KCNU1: variants seen among roughly 807,000 people sequenced by gnomAD.
KCNU1 encodes potassium calcium-activated channel subfamily U member 1.
KCNU1 carries 93 observed loss-of-function variants against 126.8 expected under a neutral mutation model. The ratio of observed to expected loss-of-function variants is 0.73; its 90% confidence interval spans 0.62 to 0.87. The LOEUF is 0.87. Ranked by LOEUF, KCNU1 falls within the 40% of genes least tolerant of loss-of-function variation. The pLI, the probability that KCNU1 is intolerant of heterozygous loss-of-function variation, is 0.00. For missense variants in KCNU1, 1,330 were observed against 1,367.1 expected (o/e 0.97, Z 0.43); for synonymous variants, 523 against 494.2 (o/e 1.06, Z -0.77).
chr8:36,785,662 A>T (rs1802687142), intron 1 of KCNU1, among the ~76,000 whole-genome samples: 1 of 152,134 alleles, frequency 6.6e-6, no homozygotes, highest in Non-Finnish European at 1.5e-5. Flanking sequence ...GAATTCTGGG[A>T]TACTGACATA....
At chr8:36,883,362 G>A (rs1806564581) in intron 19 of KCNU1, among the ~76,000 whole-genome samples, 1 of 152,174 alleles carries the variant, frequency 6.6e-6, no homozygotes. Context: ...TGTGAAATTA[G>A]AGAGAAAATG....
intron 13 of KCNU1, 116 bp from the exon 14 acceptor site, chr8:36,836,677 A>C (rs954282121): frequency 3.6e-5 from 34 of 936,332 alleles, no homozygotes; most frequent in African/African-American, 1.0e-4. Flanking sequence ...TTTGTGTGCA[A>C]AAATGAAGAA....
At chr8:36,791,198 T>C (rs954143457) in intron 2 of KCNU1, among the ~76,000 whole-genome samples, 5 of 152,136 alleles carry the variant, frequency 3.3e-5, no homozygotes, top group Non-Finnish European at 4.4e-5. Context: ...AGTGCATCTA[T>C]GGGTTAGGTG....
chr8:36,831,327 T>A (rs1328846845), intron 10 of KCNU1, among the ~76,000 whole-genome samples: 2 of 152,038 alleles, frequency 1.3e-5, no homozygotes, highest in African/African-American at 2.4e-5. Flanking sequence ...CCCTGAGGAA[T>A]CGCCACACTG....
chr8:36,848,414 G>T (rs1252204539), intron 18 of KCNU1, among the ~76,000 whole-genome samples: 1 of 152,082 alleles, frequency 6.6e-6, no homozygotes, highest in Non-Finnish European at 1.5e-5. Flanking sequence ...TTGTAGTTTT[G>T]GGTGTTCCAT....
intron 2 of KCNU1, among the ~76,000 whole-genome samples, chr8:36,802,797 T>C (rs1173968358): frequency 1.3e-5 from 2 of 152,194 alleles, no homozygotes; most frequent in Non-Finnish European, 2.9e-5. Context: ...TATCAGATGA[T>C]TTGCATATTA....
intron 24 of KCNU1, among the ~76,000 whole-genome samples, chr8:36,928,453 A>G (rs1320307385): frequency 6.6e-6 from 1 of 152,128 alleles, no homozygotes. Flanking sequence ...ACTTTATTCC[A>G]TAAGCACCCT....
chr8:36,876,272 T>C (rs1806275251), intron 19 of KCNU1, among the ~76,000 whole-genome samples: 1 of 152,216 alleles, frequency 6.6e-6, no homozygotes, highest in East Asian at 1.9e-4. Context: ...ATAGATTCTA[T>C]CTGTGTTTCT....
At chr8:36,908,426 G>A (rs1157333993) in intron 20 of KCNU1, among the ~76,000 whole-genome samples, 1 of 151,830 alleles carries the variant, frequency 6.6e-6, no homozygotes, top group Non-Finnish European at 1.5e-5. Context: ...CAATGTGCAG[G>A]TTTGTTACAT....
At chr8:36,879,649 C>A (rs1484078046) in intron 19 of KCNU1, among the ~76,000 whole-genome samples, 1 of 152,042 alleles carries the variant, frequency 6.6e-6, no homozygotes, top group African/African-American at 2.4e-5. Context: ...ATTTAAAATG[C>A]CGAATGCTTC....
intron 18 of KCNU1, among the ~76,000 whole-genome samples, chr8:36,851,362 T>C (rs887719628): frequency 1.3e-5 from 2 of 149,274 alleles, no homozygotes; most frequent in African/African-American, 4.9e-5. Context: ...GTTTAAAGTG[T>C]GGCACTTCCC....
rs1413323213 is a variant in KCNU1, at chr8:36,840,977, C to T, written c.1677C>T (p.Tyr559=). The T allele has an allele frequency of 1.2e-6, 2 of 1,610,042 alleles. No individual in the cohort carries two copies. The highest frequency in any genetic ancestry group is 1.7e-6 in the Non-Finnish European group (2 of 1,177,378). Residue 559 remains tyrosine, a synonymous_variant, in exon 16 of 27, where the codon TAC becomes TAT. Coordinates refer to ENST00000399881, the MANE Select transcript of KCNU1 (RefSeq NM_001031836.3). ...ACCTCCTGTTGATAGCCATCGAATA[C>T]AAGTCCCTCTTTACGGATGGTTTCT... ...KMHLLLIAIE[Y]KSLFTDGFCG...
intron 19 of KCNU1, among the ~76,000 whole-genome samples, chr8:36,885,470 G>T (rs1041227325): frequency 6.6e-6 from 1 of 152,032 alleles, no homozygotes; most frequent in Admixed American, 6.6e-5. Context: ...CAGGAGAATC[G>T]CTTAAAGCCA....
chr8:36,793,182 C>T (rs1052007464), intron 2 of KCNU1, among the ~76,000 whole-genome samples: 7 of 130,416 alleles, frequency 5.4e-5, no homozygotes, highest in Admixed American at 9.5e-5. Context: ...GGAAGGGGGA[C>T]ATCACACACA....
chr8:36,801,979 A>G (rs1351440470), intron 2 of KCNU1, among the ~76,000 whole-genome samples: 1 of 151,784 alleles, frequency 6.6e-6, no homozygotes, highest in African/African-American at 2.4e-5. Context: ...TATAGTGGCG[A>G]GTGCCTGTAA....
intron 16 of KCNU1, among the ~76,000 whole-genome samples, chr8:36,843,665 T>C (rs760452980): frequency 2.1e-4 from 32 of 152,222 alleles, no homozygotes; most frequent in Non-Finnish European, 4.4e-4. Context: ...GAAGGAAGAC[T>C]GCATGTTTAA....
intron 10 of KCNU1, among the ~76,000 whole-genome samples, chr8:36,826,746 AG>A (rs1355059467): frequency 1.3e-5 from 2 of 152,026 alleles, no homozygotes; most frequent in Non-Finnish European, 2.9e-5. Flanking sequence ...TTTTCATTTC[AG>A]GGGTACCTGT....
At chr8:36,833,503 A>G (rs1203656121) in intron 10 of KCNU1, 51 bp from the exon 11 acceptor site, 1 of 1,057,086 alleles carries the variant, frequency 9.5e-7, no homozygotes, top group African/African-American at 1.6e-5. Context: ...CTCTAAACCC[A>G]GAGTCAATCA....
At position 36,793,408 on chromosome 8, in the gene KCNU1, T is replaced by A. The variant is rs1198606796; in HGVS notation, c.315+5983T>A. ...TAAATAAAAAGAAAAATCCATCTCA[T>A]GGATGAATTTTTTATAAAATTTTAC... On this transcript the variant is annotated intron_variant, in intron 2 of 26. Coordinates refer to ENST00000399881, the MANE Select transcript of KCNU1 (RefSeq NM_001031836.3). Among the ~76,000 whole-genome samples, 5 of 151,870 alleles carry A rather than the reference T, an allele frequency of 3.3e-5. No homozygotes were observed. The South Asian group carries it at 1.0e-3, about 31-fold the overall frequency.
Sources: gnomAD v4.1 joint callset for allele counts (sites outside exome capture counted in the v4.1 genomes callset) on GRCh38, gnomAD v4.1.1 for gene constraint, MANE v1.5 for transcripts, NCBI Gene and HGNC (gene_info 2026-07-23, HGNC 2026-07-21) for gene names.